The following LIAS variants were observed in gnomAD, a reference collection of about 807,000 sequenced individuals.
LIAS encodes lipoic acid synthetase, also known as lipoyl synthase, mitochondrial.
In LIAS, 36 loss-of-function variants were observed where a neutral mutation model predicts 49.4. The observed-to-expected ratio is 0.73, with a 90% CI of 0.56 to 0.96. LIAS has a LOEUF of 0.96. Among genes scored for constraint, LIAS ranks in the 40% least tolerant of loss-of-function variants. The pLI, the probability that LIAS is intolerant of heterozygous loss-of-function variation, is 0.00. For synonymous variants in LIAS, 145 were observed against 155.8 expected (o/e 0.93, Z 0.52); for missense variants, 399 against 456.3 (o/e 0.87, Z 1.14).
Position 39,470,177 on chromosome 4 carries a change from A to G in LIAS, c.883+13A>G. ...GCAACAATGAAAGGTAAAGAAATTG[A>G]AAAATGAAAAATCTTTCCCATGTAA... On this transcript the variant is annotated intron_variant, in intron 8 of 10. Transcript: ENST00000640888. The G allele has an allele frequency of 6.2e-7, 1 of 1,604,662 alleles. No individual in the cohort carries two copies. The highest frequency in any genetic ancestry group is 2.2e-5 in the East Asian group (1 of 44,720).
rs1313287943 is a variant in LIAS at position 39,477,909 on chromosome 4, T to C, written c.*794T>C. 3 of 152,106 alleles carry C rather than the reference T, an allele frequency of 2.0e-5. No homozygotes were observed. The highest frequency in any genetic ancestry group is 7.2e-5 in the African/African-American group (3 of 41,412). The allele number at this position is 152,106 out of a possible 1,614,324, so 9.4% of individuals were successfully genotyped here. A position where few individuals can be genotyped will look rare whatever the true frequency, so the allele number is the denominator to read the frequency against. ...ATCACTTGAACCTGGAAAGCAGAGG[T>C]TGCAATGAGCTGAGGTGGTGCCACT... On this transcript the variant is annotated 3_prime_UTR_variant, in exon 11 of 11. Coordinates refer to ENST00000640888, the MANE Select transcript of LIAS (RefSeq NM_006859.4).
Position 39,465,255 on chromosome 4 carries a change from A to G in LIAS, c.551-30A>G, listed in dbSNP as rs760890890. The G allele has an allele frequency of 3.1e-6, 5 of 1,613,124 alleles. No individual in the cohort carries two copies. The South Asian group carries it at 5.5e-5, about 18-fold the overall frequency. On this transcript the variant is annotated intron_variant, in intron 5 of 10. Coordinates refer to ENST00000640888, the MANE Select transcript of LIAS (RefSeq NM_006859.4). ...GAAACTGGCTCTAAATGATGACATC[A>G]TCCTGAGCAGTGGATTCTTTTGTTT...
intron 10 of LIAS, chr4:39,475,093 G>C (rs986299816): frequency 2.0e-5 from 3 of 152,494 alleles, no homozygotes; most frequent in Non-Finnish European, 2.9e-5. Flanking sequence ...TGTAGTCCCA[G>C]CTACTCGGGA....
intron 4 of LIAS, 101 bp from the exon 5 acceptor site, chr4:39,464,945 C>A: frequency 1.1e-6 from 1 of 889,468 alleles, no homozygotes; most frequent in Non-Finnish European, 1.7e-6. Flanking sequence ...ATAAACAGAA[C>A]CAAACTGTAT....
chr4:39,474,596 T>C (rs1161478743), intron 10 of LIAS, among the ~76,000 whole-genome samples: 2 of 147,518 alleles, frequency 1.4e-5, no homozygotes, highest in Non-Finnish European at 3.0e-5. Flanking sequence ...TTTTATTTTA[T>C]TATTATTATT....
In LIAS at chr4:39,463,506, C is replaced by T; in HGVS notation, c.313-19C>T. Reference sequence around the variant, plus strand: ...GGATATTGTCAACCTAATGGTGTTCCATTTCCTTTTGCATACAGGTATGTG... The same window carrying T: ...GGATATTGTCAACCTAATGGTGTTCTATTTCCTTTTGCATACAGGTATGTG... On this transcript the variant is annotated intron_variant, in intron 3 of 10. Transcript: ENST00000640888. 1 of 1,577,184 alleles carries T rather than the reference C, an allele frequency of 6.3e-7. No homozygotes were observed. The highest frequency in any genetic ancestry group is 1.2e-5 in the South Asian group (1 of 86,730).
At chr4:39,467,315 C>T (rs1387650669) in intron 6 of LIAS, 1 of 334,238 alleles carries the variant, frequency 3.0e-6, no homozygotes, top group East Asian at 4.9e-5. Flanking sequence ...GTTTTAACCA[C>T]TGTGTACATA....
intron 10 of LIAS, chr4:39,473,711 A>G (rs1193082097): frequency 3.3e-5 from 5 of 152,368 alleles, no homozygotes; most frequent in Admixed American, 2.0e-4. Context: ...AAAAATATCC[A>G]TAAGATTATT....
chr4:39,462,672 C>T (rs1001318576), intron 3 of LIAS, among the ~76,000 whole-genome samples: 3 of 152,132 alleles, frequency 2.0e-5, no homozygotes, highest in Non-Finnish European at 2.9e-5. Flanking sequence ...TATATACATT[C>T]GTAAAGTTTT....
chr4:39,469,999 A>G lies in LIAS; in HGVS notation c.738-20A>G, dbSNP rs777702565. 21 of 1,595,210 alleles carry G rather than the reference A, an allele frequency of 1.3e-5. No homozygotes were observed. The South Asian group carries it at 1.7e-4, about 13-fold the overall frequency. On this transcript the variant is annotated intron_variant, in intron 7 of 10. Transcript: ENST00000640888. ...GTTGAACTTGTAATTCTTGCTGACA[A>G]CAGTCCTGCTGTTTTCCAGTAAGGT...
At position 39,467,552 on chromosome 4, in the gene LIAS, G is replaced by A. The variant is rs1560669433; in HGVS notation, c.643G>A (p.Asp215Asn). 1.2e-6 allele frequency: 2 copies of A among 1,607,314 alleles called. No homozygotes were observed. Among genetic ancestry groups the A allele is most frequent in the Non-Finnish European group, 1.7e-6 (2 of 1,176,800 alleles). Reference protein sequence around the residue: ...PKILVECLTPDFRGDLKAIEK... With the variant: ...PKILVECLTPNFRGDLKAIEK... ...AATCCTTGTGGAGTGTCTTACTCCT[G>A]ATTTTCGAGGTGATCTCAAAGCAAT... The change falls in exon 7 of 11, where the codon GAT becomes AAT. Residue 215 changes from aspartate to asparagine, a missense_variant. Transcript: ENST00000640888.
intron 7 of LIAS, 46 bp downstream of exon 7, chr4:39,467,692 A>C: frequency 2.1e-6 from 3 of 1,429,322 alleles, no homozygotes; most frequent in Non-Finnish European, 2.8e-6. Context: ...GCGGGTCAAA[A>C]TATGCCATAT....
At chr4:39,474,389 G>C (rs1745110392) in intron 10 of LIAS, among the ~76,000 whole-genome samples, 1 of 151,646 alleles carries the variant, frequency 6.6e-6, no homozygotes, top group African/African-American at 2.4e-5. Flanking sequence ...CTATGATCGT[G>C]TCACTACAGC....
rs915047698 is a variant in LIAS at position 39,478,489 on chromosome 4, G to A, written c.*1374G>A. On this transcript the variant is annotated 3_prime_UTR_variant, in exon 11 of 11. Transcript: ENST00000640888. ...ACTGCACTCCAGCCCGGGCAACAGA[G>A]TGAGACTGTCTCAAAAAAAAAGTAA... is the stretch of plus-strand genomic sequence containing the variant. The A allele has an allele frequency of 6.6e-6, 1 of 152,200 alleles. No individual in the cohort carries two copies. The highest frequency in any genetic ancestry group is 1.9e-4 in the East Asian group (1 of 5,206). The allele number at this position is 152,200 out of a possible 1,614,324, so 9.4% of individuals were successfully genotyped here. A position where few individuals can be genotyped will look rare whatever the true frequency, so the allele number is the denominator to read the frequency against.
At chr4:39,468,514 T>TATATATATTTTTTTATATTATATATATTC (rs1744851510) in intron 7 of LIAS, 1 of 142,832 alleles carries the variant, frequency 7.0e-6, no homozygotes, top group African/African-American at 2.6e-5. Flanking sequence ...TATATATATA[T>TATATATATTTTTTTATATTATATATATTC]ATATATATTT....
At chr4:39,467,670 T>C in intron 7 of LIAS, 24 bp downstream of exon 7, 1 of 1,497,636 alleles carries the variant, frequency 6.7e-7, no homozygotes, top group Non-Finnish European at 9.0e-7. Context: ...CAAAGTAATG[T>C]TGGGAAGTTA....
chr4:39,467,758 A>G, intron 7 of LIAS, 112 bp downstream of exon 7: 1 of 1,132,296 alleles, frequency 8.8e-7, no homozygotes, highest in Non-Finnish European at 1.2e-6. Context: ...AGTAAACTCT[A>G]TTCTTTTTTG....
Position 39,471,307 on chromosome 4 carries a change from G to C in LIAS, c.954+1G>C. On this transcript the variant is annotated splice_donor_variant, in intron 9 of 10. Coordinates refer to ENST00000640888, the MANE Select transcript of LIAS (RefSeq NM_006859.4). LOFTEE classifies it high-confidence loss of function. ...GCAGCCAACAAGGCGTCACCTTAAG[G>C]TACATGTATCTTGATTTGCTTTTTT... The C allele has an allele frequency of 6.3e-7, 1 of 1,584,984 alleles. No homozygotes were observed. The highest frequency in any genetic ancestry group is 8.6e-7 in the Non-Finnish European group (1 of 1,159,502).
intron 7 of LIAS, chr4:39,468,502 A>AAAAATATATAT (rs140159831): frequency 5.1e-4 from 64 of 125,150 alleles, no homozygotes; most frequent in African/African-American, 1.8e-3. Context: ...GGAAAAAAAA[A>AAAAATATATAT]ATATATATAT....
Sources: allele counts gnomAD v4.1 joint callset (sites outside exome capture counted in the v4.1 genomes callset), GRCh38; gene constraint gnomAD v4.1.1; transcripts MANE v1.5; gene names NCBI Gene and HGNC (gene_info 2026-07-23, HGNC 2026-07-21).